Variants in CDON observed in about 807,000 individuals in gnomAD.
CDON encodes the protein cell adhesion molecule-related/down-regulated by oncogenes.
CDON carries 73 observed loss-of-function variants against 120.9 expected under a neutral mutation model. The observed-to-expected ratio is 0.60, with a 90% CI of 0.50 to 0.73. The LOEUF (loss-of-function observed/expected upper bound fraction) is 0.73, where lower values mean the gene tolerates loss of function less well. CDON is among the 30% of genes least tolerant of loss of function. The pLI is 0.00. For missense variants in CDON, 1,470 were observed against 1,587.3 expected, an observed-to-expected ratio of 0.93 and a Z score of 1.26; for synonymous variants, 566 against 573.5, an observed-to-expected ratio of 0.99 and a Z score of 0.19.
In CDON at chr11:125,997,197, A is replaced by C. The variant is rs755134303; in HGVS notation, c.2362+10T>G. 6.3e-7 allele frequency: 1 copy of C among 1,591,278 alleles called. No homozygotes were observed. Among genetic ancestry groups the C allele is most frequent in the Non-Finnish European group, 8.6e-7 (1 of 1,159,194 alleles). On this transcript the variant is annotated intron_variant, in intron 12 of 19. Transcript: ENST00000531738. ...ATCGATGGTAAAAGGAAACGTTTGA[A>C]TATTACTACCTGGTTCTAAACTACG...
intron 1 of CDON, among the ~76,000 whole-genome samples, chr11:126,043,783 T>G (rs1948329982): frequency 6.6e-6 from 1 of 152,218 alleles, no homozygotes; most frequent in Non-Finnish European, 1.5e-5. Context: ...GATGGCCATG[T>G]GTCATTCTGG....
Position 125,961,037 on chromosome 11 carries a change from C to T in CDON, c.3700G>A (p.Val1234Ile), listed in dbSNP as rs1401785502. ...GTCTTCTCAGCACAGCCCTCGGGGA[C>T]AGGTGGCAAAATAAGAGCATTCCAA... is the stretch of plus-strand genomic sequence containing the variant. ...VSWNALILPP[V>I]PEGCAEKTMW... The change falls in exon 20 of 20, where the codon GTC becomes ATC. Residue 1234 changes from valine to isoleucine, a missense_variant. Val to Ile is a conservative substitution (Grantham distance 29). Transcript: ENST00000531738. 2.5e-6 allele frequency: 4 copies of T among 1,614,022 alleles called. No individual in the cohort carries two copies. In the South Asian group the frequency reaches 4.4e-5, roughly 18 times the overall value.
rs1947262934 is a variant in CDON, at chr11:126,010,456, T to G, written c.1437A>C (p.Gln479His). The part of the protein sequence containing the change: ...NLEPVYFVLS[Q>H]AGASSLHIQA... ...GAATATGGAGAGAGCTTGCACCAGC[T>G]TGGGACAGGACGAAGTACACAGGCT... The change falls in exon 8 of 20, where the codon CAA (glutamine) becomes CAC (histidine). Residue 479 changes from glutamine to histidine, a missense_variant. Coordinates refer to ENST00000531738, the MANE Select transcript of CDON (RefSeq NM_001378964.1). 6.2e-7 allele frequency: 1 copy of G among 1,614,144 alleles called. No individual in the cohort carries two copies. Among genetic ancestry groups the G allele is most frequent in the Non-Finnish European group, 8.5e-7 (1 of 1,179,998 alleles).
intron 1 of CDON, among the ~76,000 whole-genome samples, chr11:126,048,878 T>A (rs1284996229): frequency 6.6e-6 from 1 of 152,134 alleles, no homozygotes; most frequent in African/African-American, 2.4e-5. Flanking sequence ...TAATTTTGTA[T>A]TTTTAGTAGA....
intron 12 of CDON, 33 bp downstream of exon 12, chr11:125,997,174 C>T (rs185955228): frequency 8.1e-5 from 119 of 1,465,326 alleles, no homozygotes; most frequent in Middle Eastern, 6.9e-4. Context: ...AAGTTCACAT[C>T]GATGGTAAAA....
At chr11:125,964,760 A>C (rs576344996) in intron 18 of CDON, among the ~76,000 whole-genome samples, 1 of 152,338 alleles carries the variant, frequency 6.6e-6, no homozygotes, top group South Asian at 2.1e-4. Flanking sequence ...GACCAGTCCC[A>C]GTGTATTCTT....
intron 17 of CDON, among the ~76,000 whole-genome samples, chr11:125,979,984 T>C (rs1207863766): frequency 6.6e-6 from 1 of 152,186 alleles, no homozygotes; most frequent in Non-Finnish European, 1.5e-5. Context: ...GTTCTCCAAA[T>C]AGATTTTAAT....
intron 17 of CDON, among the ~76,000 whole-genome samples, chr11:125,978,622 T>C (rs1049425823): frequency 6.6e-6 from 1 of 152,232 alleles, no homozygotes; most frequent in Non-Finnish European, 1.5e-5. Context: ...TTCACTGCCA[T>C]GTTTTCCTAC....
chr11:125,979,388 C>T (rs1946232649), intron 17 of CDON, among the ~76,000 whole-genome samples: 1 of 152,054 alleles, frequency 6.6e-6, no homozygotes, highest in African/African-American at 2.4e-5. Flanking sequence ...TACTATATTC[C>T]ATCTGAGGGA....
intron 18 of CDON, among the ~76,000 whole-genome samples, chr11:125,977,839 A>G (rs1946187995): frequency 6.6e-6 from 1 of 151,950 alleles, no homozygotes; most frequent in Non-Finnish European, 1.5e-5. Flanking sequence ...AGAATTAAAA[A>G]AAAACACTGG....
At chr11:126,003,532 G>T (rs915464196) in intron 10 of CDON, among the ~76,000 whole-genome samples, 1 of 152,046 alleles carries the variant, frequency 6.6e-6, no homozygotes, top group African/African-American at 2.4e-5. Context: ...CTATCCAAAA[G>T]AATTCTGGTT....
At chr11:126,059,450 T>C (rs1305860083) in intron 1 of CDON, among the ~76,000 whole-genome samples, 2 of 152,110 alleles carry the variant, frequency 1.3e-5, no homozygotes, top group East Asian at 3.9e-4. Flanking sequence ...ATATGGAGTC[T>C]TCTAATGTAG....
Position 125,981,970 on chromosome 11 carries a change from C to CTTTTTTTTTTTTTTTTTT in CDON, c.2996-659_2996-642dup, listed in dbSNP as rs61446837. On this transcript the variant is annotated intron_variant, in intron 16 of 19. Coordinates refer to ENST00000531738, the MANE Select transcript of CDON (RefSeq NM_001378964.1). ...CAAAGGCAAAAAGTGATTCTATTTT[C>CTTTTTTTTTTTTTTTTTT]TTTTTTTTTTTTTTTTTTTTTTTTT... Among the ~76,000 whole-genome samples, 69 of 54,288 alleles carry CTTTTTTTTTTTTTTTTTT rather than the reference C, an allele frequency of 1.3e-3. 16 individuals carry two copies. The highest frequency in any genetic ancestry group is 4.5e-3 in the African/African-American group (56 of 12,430). The allele number at this position is 54,288 out of a possible 152,430, so 35.6% of individuals were successfully genotyped here.
chr11:125,993,736 G>C (rs1010595314), intron 14 of CDON, among the ~76,000 whole-genome samples: 1 of 152,126 alleles, frequency 6.6e-6, no homozygotes, highest in Admixed American at 6.5e-5. Context: ...GTGTAGGCAG[G>C]GGCCAGCCAG....
intron 10 of CDON, among the ~76,000 whole-genome samples, chr11:126,002,280 G>A (rs1946968747): frequency 1.3e-5 from 2 of 152,140 alleles, no homozygotes; most frequent in Admixed American, 1.3e-4. Context: ...AAGTGAAATT[G>A]ATTTGTTAAA....
intron 18 of CDON, among the ~76,000 whole-genome samples, chr11:125,974,766 C>T (rs1017152563): frequency 3.9e-5 from 6 of 152,280 alleles, no homozygotes; most frequent in Middle Eastern, 3.4e-3. Context: ...TCATCTTTCT[C>T]CTTAAGATAT....
intron 7 of CDON, among the ~76,000 whole-genome samples, chr11:126,013,469 T>C (rs1400025779): frequency 6.6e-6 from 1 of 152,218 alleles, no homozygotes; most frequent in African/African-American, 2.4e-5. Flanking sequence ...TAACTCCTAA[T>C]TCAACTTCTT....
intron 2 of CDON, among the ~76,000 whole-genome samples, chr11:126,021,809 A>T (rs1947648131): frequency 6.6e-6 from 1 of 152,132 alleles, no homozygotes; most frequent in African/African-American, 2.4e-5. Flanking sequence ...ATTAATAAGA[A>T]ATAGCAAAGT....
At chr11:126,009,428 AC>A (rs953164633) in intron 8 of CDON, among the ~76,000 whole-genome samples, 4 of 152,206 alleles carry the variant, frequency 2.6e-5, no homozygotes, top group Admixed American at 6.5e-5. Context: ...AACTGTGGGG[AC>A]CAGACTGTGA....
Sources: allele counts gnomAD v4.1 joint callset (sites outside exome capture counted in the v4.1 genomes callset), GRCh38; gene constraint gnomAD v4.1.1; transcripts MANE v1.5; gene names NCBI Gene and HGNC (gene_info 2026-07-23, HGNC 2026-07-21).